The following CSPP1 variants were observed in gnomAD, a reference collection of about 807,000 sequenced individuals.
CSPP1 encodes the protein centrosome and spindle pole-associated protein 1.
In CSPP1, 126 loss-of-function variants were observed where a neutral mutation model predicts 164.4. That is an observed-to-expected ratio of 0.77 (90% CI 0.66 to 0.89). The LOEUF (loss-of-function observed/expected upper bound fraction) is 0.89, where lower values mean the gene tolerates loss of function less well. Ranked by LOEUF, CSPP1 falls within the 40% of genes least tolerant of loss-of-function variation. CSPP1 has a pLI of 0.00. For missense variants in CSPP1, 1,395 were observed against 1,449.8 expected (o/e 0.96, Z 0.61); for synonymous variants, 472 against 476.7 (o/e 0.99, Z 0.13).
intron 9 of CSPP1, among the ~76,000 whole-genome samples, chr8:67,107,236 C>T (rs1042538494): frequency 1.5e-4 from 23 of 151,900 alleles, no homozygotes; most frequent in Non-Finnish European, 2.5e-4. Context: ...TTAGTTGAGA[C>T]GGGGTTTCAC....
At chr8:67,159,971 CTTTTCTTTTCT>C (rs1827865711) in intron 21 of CSPP1, among the ~76,000 whole-genome samples, 1 of 51,994 alleles carries the variant, frequency 1.9e-5, no homozygotes, top group Non-Finnish European at 3.1e-5. Context: ...CTTTTCTTTT[CTTTTCTTTTCT>C]TTTCTTTTCT....
chr8:67,182,618 T>C (rs1833336613), intron 28 of CSPP1, among the ~76,000 whole-genome samples: 1 of 152,232 alleles, frequency 6.6e-6, no homozygotes, highest in African/African-American at 2.4e-5. Context: ...TGCACAAAAG[T>C]TCCGATTTCT....
chr8:67,184,826 A>G (rs1011972145), intron 28 of CSPP1, among the ~76,000 whole-genome samples: 7 of 149,328 alleles, frequency 4.7e-5, no homozygotes, highest in Non-Finnish European at 8.9e-5. Context: ...TCGGCCGGGC[A>G]CGGTGGCTCA....
At chr8:67,188,050 CCTGCT>C (rs1835161527) in intron 28 of CSPP1, among the ~76,000 whole-genome samples, 1 of 152,112 alleles carries the variant, frequency 6.6e-6, no homozygotes, top group Admixed American at 6.5e-5. Context: ...AAATTTAAAA[CCTGCT>C]CTGCTCTATA....
intron 3 of CSPP1, among the ~76,000 whole-genome samples, chr8:67,079,372 G>A (rs1413347469): frequency 6.6e-6 from 1 of 152,168 alleles, no homozygotes; most frequent in Non-Finnish European, 1.5e-5. Context: ...TCACTGAGCT[G>A]GCTGCCTAGT....
At chr8:67,163,914 T>C in intron 23 of CSPP1, 116 bp downstream of exon 23, 1 of 737,442 alleles carries the variant, frequency 1.4e-6, no homozygotes, top group South Asian at 2.0e-5. Flanking sequence ...TTAGGTGCTG[T>C]GTACCCATTC....
chr8:67,127,980 G>A (rs1017949871), intron 15 of CSPP1, among the ~76,000 whole-genome samples: 54 of 152,272 alleles, frequency 3.5e-4, no homozygotes, highest in Non-Finnish European at 6.8e-4. Context: ...CGCACAATCT[G>A]TCTTCTTTCC....
At position 67,093,407 on chromosome 8, in the gene CSPP1, G is replaced by C. The variant is rs549099237; in HGVS notation, c.385-136G>C. 3 of 583,846 alleles carry C rather than the reference G, an allele frequency of 5.1e-6. No homozygotes were observed. In the African/African-American group the frequency reaches 5.7e-5, roughly 11 times the overall value. 36.2% of individuals were successfully genotyped at this position (583,846 alleles called of 1,614,324 possible). A position where few individuals can be genotyped will look rare whatever the true frequency, so the allele number is the denominator to read the frequency against. On this transcript the variant is annotated intron_variant, in intron 5 of 30. Coordinates refer to ENST00000678616, the MANE Select transcript of CSPP1 (RefSeq NM_001382391.1). ...ATGCCTTTCAGTGACATCTGTCCTT[G>C]AAATTATTAGTAAAGCTTGATTCTG... is the stretch of plus-strand genomic sequence containing the variant.
chr8:67,114,798 G>T (rs573039927), intron 12 of CSPP1: 1 of 152,122 alleles, frequency 6.6e-6, no homozygotes, highest in African/African-American at 2.4e-5. Flanking sequence ...TGTATTTATG[G>T]TTACACTAGT....
intron 28 of CSPP1, among the ~76,000 whole-genome samples, chr8:67,190,300 T>G (rs1307512270): frequency 6.6e-6 from 1 of 152,210 alleles, no homozygotes; most frequent in African/African-American, 2.4e-5. Flanking sequence ...AACACCTTAT[T>G]GCTAAGTGAA....
chr8:67,128,364 C>A (rs1820516005), intron 15 of CSPP1, among the ~76,000 whole-genome samples: 1 of 151,968 alleles, frequency 6.6e-6, no homozygotes, highest in Non-Finnish European at 1.5e-5. Context: ...CATGGTGAAA[C>A]CCCATCTCTA....
chr8:67,132,572 A>T (rs1821445587), intron 16 of CSPP1, among the ~76,000 whole-genome samples: 1 of 152,348 alleles, frequency 6.6e-6, no homozygotes, highest in African/African-American at 2.4e-5. Flanking sequence ...AGAGATTGGC[A>T]GAGAAATTAT....
At chr8:67,177,464 G>C (rs1186621875) in intron 26 of CSPP1, among the ~76,000 whole-genome samples, 1 of 152,176 alleles carries the variant, frequency 6.6e-6, no homozygotes, top group Non-Finnish European at 1.5e-5. Context: ...GATTTTACTT[G>C]TTATGTTCAT....
intron 15 of CSPP1, among the ~76,000 whole-genome samples, chr8:67,123,459 T>A (rs1819392502): frequency 6.6e-6 from 1 of 152,194 alleles, no homozygotes; most frequent in Non-Finnish European, 1.5e-5. Context: ...TTACTCTCAA[T>A]TTATTTGTCT....
Position 67,158,493 on chromosome 8 carries a change from G to A in CSPP1, c.2288G>A (p.Arg763Lys). The A allele has an allele frequency of 6.2e-7, 1 of 1,613,202 alleles. No individual in the cohort carries two copies. Among genetic ancestry groups the A allele is most frequent in the Middle Eastern group, 1.7e-4 (1 of 6,058 alleles). ...GAGGAAGCAGAGCGAGAGAGACTGA[G>A]AATTGCAGAAGAAAAAGAAGAAAGA... ...QREEAERERL[R>K]IAEEKEERRL... is the part of the protein sequence containing the mutation. Residue 763 changes from arginine (R) to lysine (K), a missense_variant, in exon 20 of 31, where the codon AGA (arginine) becomes AAA (lysine). Transcript: ENST00000678616.
At chr8:67,160,809 A>G (rs1480176913) in intron 21 of CSPP1, among the ~76,000 whole-genome samples, 2 of 151,574 alleles carry the variant, frequency 1.3e-5, no homozygotes, top group African/African-American at 4.8e-5. Context: ...TCTGAGTTAT[A>G]ATCTTTTTAT....
intron 25 of CSPP1, chr8:67,174,638 G>GC (rs1045125656): frequency 6.6e-6 from 1 of 152,356 alleles, no homozygotes; most frequent in African/African-American, 2.4e-5. Context: ...AGTGGTGGGT[G>GC]CTTGTAGTCC....
intron 25 of CSPP1, chr8:67,174,668 G>A (rs939341633): frequency 2.6e-5 from 4 of 152,450 alleles, no homozygotes; most frequent in African/African-American, 9.7e-5. Flanking sequence ...GGGAGACTGA[G>A]GCAGGAGAAT....
At chr8:67,085,383 AAAAAG>A (rs562763038) in intron 3 of CSPP1, among the ~76,000 whole-genome samples, 126 of 152,130 alleles carry the variant, frequency 8.3e-4, no homozygotes, top group Middle Eastern at 6.8e-3. Flanking sequence ...TTAAAAAAAA[AAAAAG>A]AAATGTGATT....
Sources: allele counts gnomAD v4.1 joint callset (sites outside exome capture counted in the v4.1 genomes callset), GRCh38; gene constraint gnomAD v4.1.1; transcripts MANE v1.5; gene names NCBI Gene and HGNC (gene_info 2026-07-23, HGNC 2026-07-21).